Variants in BBOF1 observed in about 807,000 individuals in gnomAD.
The protein encoded by BBOF1 is basal body-orientation factor 1.
A neutral mutation model predicts 68.0 loss-of-function variants in BBOF1; 62 were observed. The ratio of observed to expected loss-of-function variants is 0.91; its 90% CI spans 0.74 to 1.13. The LOEUF (loss-of-function observed/expected upper bound fraction) is 1.13, where lower values mean the gene tolerates loss of function less well. Ranked by LOEUF, BBOF1 falls within the 50% of genes most tolerant of loss-of-function variation. The pLI is 0.00. For synonymous variants in BBOF1, 208 were observed against 198.8 expected (o/e 1.05, Z -0.39); for missense variants, 534 against 600.1 (o/e 0.89, Z 1.15).
intron 9 of BBOF1, chr14:74,071,324 C>A: frequency 6.2e-7 from 1 of 1,614,162 alleles, no homozygotes. Flanking sequence ...TTTCCACACA[C>A]CATGGCCATG....
chr14:74,034,020 G>T lies in BBOF1; in HGVS notation c.352-8G>T, dbSNP rs755929984. 55 of 1,577,714 alleles carry T rather than the reference G, an allele frequency of 3.5e-5. No homozygotes were observed. In the East Asian group the frequency reaches 1.3e-3, roughly 37 times the overall value. On this transcript the variant is annotated splice_polypyrimidine_tract_variant and splice_region_variant and intron_variant, in intron 3 of 11. Transcript: ENST00000394009. Reference sequence around the variant, plus strand: ...TTCCTAACTCGTTTACCTCTTTTTTGAATACAGGAACAAAAGTATACCAGG... The same window carrying T: ...TTCCTAACTCGTTTACCTCTTTTTTTAATACAGGAACAAAAGTATACCAGG...
At chr14:74,027,839 GAAACTGT>G (rs932907061) in intron 2 of BBOF1, among the ~76,000 whole-genome samples, 18 of 152,144 alleles carry the variant, frequency 1.2e-4, no homozygotes, top group South Asian at 8.3e-4. Context: ...CAAAGACCAA[GAAACTGT>G]TCCAGATTAA....
chr14:74,075,980 T>C (rs2060608690), intron 9 of BBOF1, among the ~76,000 whole-genome samples: 1 of 152,212 alleles, frequency 6.6e-6, no homozygotes, highest in South Asian at 2.1e-4. Context: ...ATAATAAAAG[T>C]ACATACTGTA....
chr14:74,069,131 G>A (rs2060514696), downstream of BBOF1: 1 of 792,510 alleles, frequency 1.3e-6, no homozygotes, highest in East Asian at 3.4e-5. Context: ...TTGAGACGGA[G>A]TCTCGCTCTG....
intron 3 of BBOF1, among the ~76,000 whole-genome samples, chr14:74,032,161 T>C (rs2059586944): frequency 6.9e-6 from 1 of 145,902 alleles, no homozygotes; most frequent in African/African-American, 2.5e-5. Context: ...AGTCTCGCTC[T>C]TGTCTCCCAG....
chr14:74,069,044 TC>T, downstream of BBOF1: 1 of 1,548,912 alleles, frequency 6.5e-7, no homozygotes, highest in Non-Finnish European at 8.8e-7. Context: ...ATGGCAAATT[TC>T]CCCTTTCCCC....
At chr14:74,062,472 G>A (rs1284695951) in intron 11 of BBOF1, among the ~76,000 whole-genome samples, 8 of 151,912 alleles carry the variant, frequency 5.3e-5, no homozygotes, top group Admixed American at 4.6e-4. Flanking sequence ...GTGGTGGCAC[G>A]TGCCTGTAAT....
In BBOF1 at chr14:74,040,689, A is replaced by G. The variant is rs557470656; in HGVS notation, c.576+44A>G. On this transcript the variant is annotated intron_variant, in intron 5 of 11. Coordinates refer to ENST00000394009, the MANE Select transcript of BBOF1 (RefSeq NM_025057.3). ...AATTTAAAATGTTTTGTTTACTAGA[A>G]CATAAGTGTATTTATATGCATTCTG... 1.7e-5 allele frequency: 20 copies of G among 1,176,450 alleles called. No homozygotes were observed. In the East Asian group the frequency reaches 4.3e-4, roughly 26 times the overall value. 72.9% of individuals were successfully genotyped at this position (1,176,450 alleles called of 1,614,324 possible).
chr14:74,045,276 G>C (rs1162008032), intron 5 of BBOF1, among the ~76,000 whole-genome samples: 1 of 151,964 alleles, frequency 6.6e-6, no homozygotes, highest in Non-Finnish European at 1.5e-5. Context: ...ATCTAAAACA[G>C]TCTGGTAATT....
chr14:74,025,633 A>G (rs2059406305), intron 2 of BBOF1, among the ~76,000 whole-genome samples: 1 of 152,190 alleles, frequency 6.6e-6, no homozygotes, highest in Non-Finnish European at 1.5e-5. Flanking sequence ...GTTTTATGTG[A>G]TTTAGGATTG....
intron 5 of BBOF1, among the ~76,000 whole-genome samples, chr14:74,043,332 T>C (rs951180339): frequency 6.7e-6 from 1 of 149,850 alleles, no homozygotes; most frequent in African/African-American, 2.5e-5. Context: ...GGGTGGATCA[T>C]GAGGTCAGGA....
At chr14:74,052,191 T>C (rs764771040) in intron 8 of BBOF1, among the ~76,000 whole-genome samples, 2 of 151,872 alleles carry the variant, frequency 1.3e-5, no homozygotes, top group Admixed American at 6.5e-5. Context: ...GTAAGTGTTA[T>C]ACATTTTCAG....
In BBOF1 at chr14:74,052,833, C is replaced by CA. The variant is rs1367769530; in HGVS notation, c.1286+2644dup. On this transcript the variant is annotated intron_variant, in intron 8 of 11. Transcript: ENST00000394009. ...GCAACACAGTGAGACCCCACCTCTACAAAAAACAAAACAAAAAGTAGCCTG... is the reference window on the plus strand; with the variant it reads ...GCAACACAGTGAGACCCCACCTCTACAAAAAAACAAAACAAAAAGTAGCCTG... 6.6e-5 allele frequency among the ~76,000 whole-genome samples: 10 copies of CA among 151,256 alleles called. No homozygotes were observed. The South Asian group carries it at 8.4e-4, about 13-fold the overall frequency.
At chr14:74,060,804 T>A in intron 11 of BBOF1, 2 of 1,270,000 alleles carry the variant, frequency 1.6e-6, no homozygotes, top group Non-Finnish European at 2.3e-6. Context: ...ATTCTTCTTT[T>A]AATTAGCTTT....
At chr14:74,022,445 G>A (rs1478192079) in intron 1 of BBOF1, among the ~76,000 whole-genome samples, 1 of 152,196 alleles carries the variant, frequency 6.6e-6, no homozygotes, top group Admixed American at 6.5e-5. Context: ...CCACTTGGGA[G>A]GCTGAGGTGG....
chr14:74,033,912 AAG>A (rs1464690574), intron 3 of BBOF1, 114 bp from the exon 4 acceptor site: 16 of 525,198 alleles, frequency 3.0e-5, no homozygotes, highest in African/African-American at 2.4e-4. Context: ...AAATAGAAAA[AAG>A]GGGGGATATT....
At chr14:74,033,822 C>T (rs922267615) in intron 3 of BBOF1, among the ~76,000 whole-genome samples, 1 of 151,872 alleles carries the variant, frequency 6.6e-6, no homozygotes, top group Non-Finnish European at 1.5e-5. Flanking sequence ...GCCAAGATCG[C>T]GCCATCGCAC....
In BBOF1 at chr14:74,063,640, C is replaced by T. The variant is rs1427099263; in HGVS notation, c.1579-1048C>T. 2.0e-5 allele frequency among the ~76,000 whole-genome samples: 3 copies of T among 151,026 alleles called. No individual in the cohort carries two copies. In the South Asian group the frequency reaches 6.3e-4, roughly 32 times the overall value. ...CAGCACTTTAGGAGGCTGAGGCAGG[C>T]GGATCACCTGAGGTCAGGAATTCGA... On this transcript the variant is annotated intron_variant, in intron 11 of 11. Coordinates refer to ENST00000394009, the MANE Select transcript of BBOF1 (RefSeq NM_025057.3).
intron 11 of BBOF1, chr14:74,059,857 G>T (rs2060301815): frequency 6.5e-6 from 1 of 153,862 alleles, no homozygotes; most frequent in South Asian, 2.0e-4. Context: ...TCTTAAGCAG[G>T]AGCAGTGACA....
Sources: gnomAD v4.1 joint callset for allele counts (sites outside exome capture counted in the v4.1 genomes callset) on GRCh38, gnomAD v4.1.1 for gene constraint, MANE v1.5 for transcripts, NCBI Gene and HGNC (gene_info 2026-07-23, HGNC 2026-07-21) for gene names.